The following RANBP9 variants were observed in gnomAD, a reference collection of about 807,000 sequenced individuals.
RANBP9 encodes ran-binding protein 9.
A neutral mutation model predicts 84.3 loss-of-function variants in RANBP9; 15 were observed. That is an observed-to-expected ratio of 0.18 (90% CI 0.12 to 0.27). RANBP9 has a LOEUF of 0.27. Ranked by LOEUF, RANBP9 falls within the 10% of genes least tolerant of loss-of-function variation. The pLI is 1.00. For synonymous variants in RANBP9, 392 were observed against 349.6 expected, an observed-to-expected ratio of 1.12 and a Z score of -1.35; for missense variants, 809 against 912.8, an observed-to-expected ratio of 0.89 and a Z score of 1.46.
Position 13,642,486 on chromosome 6 carries a change from A to G in RANBP9, c.1218T>C (p.Asn406=), listed in dbSNP as rs1765090159. 1.9e-6 allele frequency: 3 copies of G among 1,580,862 alleles called. No individual in the cohort carries two copies. Among genetic ancestry groups the G allele is most frequent in the African/African-American group, 1.4e-5 (1 of 73,860 alleles). The change falls in exon 7 of 14, where the codon AAT becomes AAC. Residue 406 remains asparagine, a synonymous_variant. Transcript: ENST00000011619. ...GCACCACAGTGTCCTTACTTTGTCT[A>G]TTCTTAATGGAAGCTAATTCTTCTA... ...TVLEELASIK[N]RQRIQKLVLA...
intron 10 of RANBP9, among the ~76,000 whole-genome samples, chr6:13,636,031 C>T (rs772586275): frequency 6.6e-6 from 1 of 151,966 alleles, no homozygotes; most frequent in African/African-American, 2.4e-5. Flanking sequence ...CAAAACATGA[C>T]ATATTTGATG....
chr6:13,667,700 T>G (rs1364686998), intron 2 of RANBP9, among the ~76,000 whole-genome samples: 1 of 152,182 alleles, frequency 6.6e-6, no homozygotes, highest in Non-Finnish European at 1.5e-5. Flanking sequence ...TTCAGTTTTG[T>G]AGCCTAGGAG....
chr6:13,707,334 T>C (rs1050204925), intron 1 of RANBP9, among the ~76,000 whole-genome samples: 3 of 152,192 alleles, frequency 2.0e-5, no homozygotes, highest in Non-Finnish European at 4.4e-5. Context: ...GACTATTTCA[T>C]TGCTTCCTAT....
chr6:13,664,929 C>T (rs1405404545), intron 2 of RANBP9, among the ~76,000 whole-genome samples: 1 of 152,050 alleles, frequency 6.6e-6, no homozygotes, highest in Non-Finnish European at 1.5e-5. Flanking sequence ...TAGATCAATG[C>T]AACAGATTAA....
chr6:13,640,136 C>G (rs937283459), intron 8 of RANBP9, among the ~76,000 whole-genome samples: 2 of 152,112 alleles, frequency 1.3e-5, no homozygotes, highest in African/African-American at 2.4e-5. Context: ...ACATATAAAG[C>G]GTAGCCTTTC....
intron 1 of RANBP9, among the ~76,000 whole-genome samples, chr6:13,701,777 A>G (rs1757978429): frequency 6.6e-6 from 1 of 152,006 alleles, no homozygotes; most frequent in South Asian, 2.1e-4. Flanking sequence ...TCTCAAAAAA[A>G]AAAAACCAAA....
chr6:13,675,415 G>A, intron 2 of RANBP9, among the ~76,000 whole-genome samples: 1 of 152,050 alleles, frequency 6.6e-6, no homozygotes, highest in East Asian at 1.9e-4. Flanking sequence ...ACACATCAAA[G>A]AAGTCTAAAG....
chr6:13,653,398 T>C (rs1411124287), intron 4 of RANBP9, among the ~76,000 whole-genome samples: 5 of 152,190 alleles, frequency 3.3e-5, no homozygotes, highest in East Asian at 1.9e-4. Flanking sequence ...CCTTTAAATA[T>C]TCCAATATAC....
intron 1 of RANBP9, among the ~76,000 whole-genome samples, chr6:13,699,518 C>A (rs1757916097): frequency 6.6e-6 from 1 of 152,020 alleles, no homozygotes; most frequent in South Asian, 2.1e-4. Context: ...TGCATACTTA[C>A]CAGTTGAGCA....
intron 12 of RANBP9, among the ~76,000 whole-genome samples, chr6:13,627,628 T>TC (rs767269676): frequency 4.6e-4 from 34 of 73,764 alleles, no homozygotes; most frequent in Admixed American, 7.9e-4. Context: ...AGACTCCATC[T>TC]CCAAAAAAAA....
chr6:13,685,068 C>T (rs995352486), intron 2 of RANBP9, among the ~76,000 whole-genome samples: 12 of 152,166 alleles, frequency 7.9e-5, no homozygotes, highest in African/African-American at 2.7e-4. Context: ...ACATAAATTG[C>T]AATAATTTTT....
chr6:13,660,812 CAAG>C (rs1287869814), intron 2 of RANBP9, among the ~76,000 whole-genome samples: 1 of 152,138 alleles, frequency 6.6e-6, no homozygotes, highest in Non-Finnish European at 1.5e-5. Flanking sequence ...GATGTCTAGT[CAAG>C]AAGGCTCATT....
chr6:13,634,578 T>C (rs747248012), intron 10 of RANBP9, 26 bp from the exon 11 acceptor site: 1 of 1,577,744 alleles, frequency 6.3e-7, no homozygotes, highest in Non-Finnish European at 8.7e-7. Flanking sequence ...CAAACCTAAT[T>C]TTAGAAATAT....
chr6:13,692,227 A>T (rs1766335981), intron 2 of RANBP9, among the ~76,000 whole-genome samples: 1 of 152,050 alleles, frequency 6.6e-6, no homozygotes, highest in Admixed American at 6.6e-5. Context: ...GAGATAAATG[A>T]ATGTGACCAA....
At chr6:13,638,423 T>C (rs1764989007) in intron 9 of RANBP9, among the ~76,000 whole-genome samples, 1 of 152,032 alleles carries the variant, frequency 6.6e-6, no homozygotes. Context: ...TGTTACTTCA[T>C]GAAAGGAAAG....
At position 13,690,166 on chromosome 6, in the gene RANBP9, T is replaced by C. The variant is rs189860635; in HGVS notation, c.683+6619A>G. 1.4e-3 allele frequency among the ~76,000 whole-genome samples: 208 copies of C among 152,352 alleles called. 2 individuals carry two copies. Among genetic ancestry groups the C allele is most frequent in the African/African-American group, 4.8e-3 (201 of 41,582 alleles). ...CAGGGACCACATTCAGTTCACTCAC[T>C]GTATTAATTGAGTTTCTACTAAATG... On this transcript the variant is annotated intron_variant, in intron 2 of 13. Transcript: ENST00000011619.
intron 1 of RANBP9, among the ~76,000 whole-genome samples, chr6:13,697,845 T>C (rs890999538): frequency 6.6e-6 from 1 of 152,214 alleles, no homozygotes; most frequent in African/African-American, 2.4e-5. Flanking sequence ...TAAATCATTA[T>C]TGGGGTGTTC....
At chr6:13,669,017 G>A (rs1259807372) in intron 2 of RANBP9, among the ~76,000 whole-genome samples, 3 of 151,938 alleles carry the variant, frequency 2.0e-5, no homozygotes, top group Admixed American at 2.0e-4. Context: ...ATTATTAAAA[G>A]TAATCAAGTT....
At chr6:13,679,669 A>C (rs1238007075) in intron 2 of RANBP9, among the ~76,000 whole-genome samples, 1 of 152,204 alleles carries the variant, frequency 6.6e-6, no homozygotes, top group Non-Finnish European at 1.5e-5. Context: ...TATCCCTATA[A>C]GATTAATAAA....
Sources: allele counts gnomAD v4.1 joint callset (sites outside exome capture counted in the v4.1 genomes callset), GRCh38; gene constraint gnomAD v4.1.1; transcripts MANE v1.5; gene names NCBI Gene and HGNC (gene_info 2026-07-23, HGNC 2026-07-21).